Variants in SAMD5 observed in about 807,000 individuals in gnomAD.
The protein encoded by SAMD5 is sterile alpha motif domain containing 5, also known as sterile alpha motif domain-containing protein 5.
In SAMD5, 13 loss-of-function variants were observed where a neutral mutation model predicts 11.3. The observed-to-expected ratio is 1.15, with a 90% CI of 0.75 to 1.83. SAMD5 has a LOEUF of 1.83. SAMD5 is among the 40% of genes most tolerant of loss of function. SAMD5 has a pLI of 0.00. For synonymous variants in SAMD5, 129 were observed against 111.3 expected (o/e 1.16, Z -1.00); for missense variants, 255 against 239.1 (o/e 1.07, Z -0.44).
At chr6:147,754,208 A>G in the SAMD5 span, among the ~76,000 whole-genome samples, 1 of 152,058 alleles carries the variant, frequency 6.6e-6, no homozygotes, top group East Asian at 1.9e-4. Flanking sequence ...CCTCACCAGC[A>G]TTTATTATTG....
At chr6:147,563,222 G>A (rs577479384) in intron 1 of SAMD5, among the ~76,000 whole-genome samples, 12 of 152,184 alleles carry the variant, frequency 7.9e-5, no homozygotes, top group Non-Finnish European at 1.6e-4. Flanking sequence ...ACATATTGCC[G>A]TCAGCAGGTG....
In SAMD5 at chr6:147,508,986, G is replaced by A; in HGVS notation, c.58G>A (p.Glu20Lys). ...LKALQLPQYA[E>K]SFVDNGYDDL... is the part of the protein sequence containing the mutation. Reference sequence around the variant, plus strand: ...AGCGCTGCAGCTTCCGCAGTACGCGGAGTCCTTCGTGGATAACGGCTACGA... The same window carrying A: ...AGCGCTGCAGCTTCCGCAGTACGCGAAGTCCTTCGTGGATAACGGCTACGA... The change falls in exon 1 of 2, where the codon GAG becomes AAG. Residue 20 changes from glutamate (E) to lysine (K), a missense_variant. Coordinates refer to ENST00000367474, the MANE Select transcript of SAMD5 (RefSeq NM_001030060.3). The A allele has an allele frequency of 1.2e-6, 2 of 1,601,932 alleles. No individual in the cohort carries two copies. Among genetic ancestry groups the A allele is most frequent in the Non-Finnish European group, 1.7e-6 (2 of 1,174,782 alleles).
the SAMD5 span, among the ~76,000 whole-genome samples, chr6:147,778,167 G>C: frequency 6.6e-6 from 1 of 152,094 alleles, no homozygotes; most frequent in Non-Finnish European, 1.5e-5. Flanking sequence ...GAGGGTGTGG[G>C]GTTCTCGTCG....
chr6:147,866,067 T>G, the SAMD5 span, among the ~76,000 whole-genome samples: 1 of 152,196 alleles, frequency 6.6e-6, no homozygotes, highest in African/African-American at 2.4e-5. Context: ...CAATTATTTT[T>G]AACATTAATT....
chr6:147,688,867 C>A (rs1791058596), intron 1 of SAMD5, among the ~76,000 whole-genome samples: 1 of 152,200 alleles, frequency 6.6e-6, no homozygotes, highest in African/African-American at 2.4e-5. Flanking sequence ...CACCAAAGGT[C>A]AAAATCCTGG....
At chr6:147,891,887 G>A in the SAMD5 span, among the ~76,000 whole-genome samples, 5 of 152,122 alleles carry the variant, frequency 3.3e-5, no homozygotes, top group South Asian at 2.1e-4. Context: ...CTGAGTTTCC[G>A]TAAGGTCCTG....
At chr6:147,839,670 A>C in the SAMD5 span, among the ~76,000 whole-genome samples, 1 of 152,200 alleles carries the variant, frequency 6.6e-6, no homozygotes, top group Admixed American at 6.5e-5. Flanking sequence ...GAAACACTTG[A>C]ACCAGGGAGG....
intron 1 of SAMD5, among the ~76,000 whole-genome samples, chr6:147,675,237 A>G (rs1306933829): frequency 6.6e-6 from 1 of 152,208 alleles, no homozygotes; most frequent in African/African-American, 2.4e-5. Context: ...TGGATAGCCT[A>G]TCATTCTAAT....
the SAMD5 span, among the ~76,000 whole-genome samples, chr6:147,748,996 G>A: frequency 2.6e-5 from 4 of 152,146 alleles, no homozygotes; most frequent in Non-Finnish European, 5.9e-5. Flanking sequence ...TAAAGGCTAA[G>A]GGCCTTCTCT....
the SAMD5 span, among the ~76,000 whole-genome samples, chr6:147,889,012 T>A: frequency 6.6e-6 from 1 of 152,236 alleles, no homozygotes; most frequent in African/African-American, 2.4e-5. Flanking sequence ...GGACCTGTAG[T>A]CTACAACTAC....
the SAMD5 span, among the ~76,000 whole-genome samples, chr6:147,870,478 GTGTGTATA>G: frequency 3.7e-5 from 5 of 136,188 alleles, no homozygotes; most frequent in African/African-American, 1.5e-4. Flanking sequence ...GTGTGTGTGT[GTGTGTATA>G]TATATATGTA....
chr6:147,772,818 T>G, the SAMD5 span, among the ~76,000 whole-genome samples: 544 of 152,298 alleles, frequency 3.6e-3, 4 homozygotes, highest in African/African-American at 0.012. Flanking sequence ...CCTTCTGAGG[T>G]ACCTGGGGAT....
At chr6:147,712,956 C>T (rs1440157913) in intron 1 of SAMD5, among the ~76,000 whole-genome samples, 1 of 152,094 alleles carries the variant, frequency 6.6e-6, no homozygotes, top group Non-Finnish European at 1.5e-5. Flanking sequence ...AACTATTATT[C>T]AAACCATCGG....
the SAMD5 span, among the ~76,000 whole-genome samples, chr6:147,931,320 C>T: frequency 6.6e-6 from 1 of 152,118 alleles, no homozygotes; most frequent in African/African-American, 2.4e-5. Flanking sequence ...TCTTATTTCT[C>T]AAATAAAATA....
At chr6:147,673,705 T>C (rs1405684155) in intron 1 of SAMD5, among the ~76,000 whole-genome samples, 2 of 152,066 alleles carry the variant, frequency 1.3e-5, no homozygotes, top group African/African-American at 4.8e-5. Context: ...ATGAAAAATA[T>C]AATTAAAAGA....
the SAMD5 span, among the ~76,000 whole-genome samples, chr6:147,750,214 CTAAG>C: frequency 1.1e-4 from 17 of 152,276 alleles, no homozygotes; most frequent in East Asian, 3.1e-3. Context: ...TCGCTTGACT[CTAAG>C]TGTCAACATG....
In SAMD5 at chr6:147,671,889, A is replaced by ATTT. The variant is rs56865442; in HGVS notation, c.163-65407_163-65405dup. Reference sequence around the variant, plus strand: ...TTTCTTCTCATTTTTCTTTTTCAGGATTTTTTTTTTTTTTTTTTTTTTTAG... The same window carrying ATTT: ...TTTCTTCTCATTTTTCTTTTTCAGGATTTTTTTTTTTTTTTTTTTTTTTTTTAG... On this transcript the variant is annotated intron_variant, in intron 1 of 1. Transcript: ENST00000566741. 9.7e-3 allele frequency among the ~76,000 whole-genome samples: 949 copies of ATTT among 98,040 alleles called. 20 individuals are homozygous for ATTT. The highest frequency in any genetic ancestry group is 0.012 in the Non-Finnish European group (615 of 49,844). The allele number at this position is 98,040 out of a possible 152,430, so 64.3% of individuals were successfully genotyped here.
At chr6:147,856,461 C>G in the SAMD5 span, among the ~76,000 whole-genome samples, 2 of 152,086 alleles carry the variant, frequency 1.3e-5, no homozygotes, top group South Asian at 4.1e-4. Flanking sequence ...TTTAAAAAGT[C>G]AAGAAGTTAC....
chr6:147,800,907 A>G, the SAMD5 span, among the ~76,000 whole-genome samples: 3 of 152,182 alleles, frequency 2.0e-5, no homozygotes, highest in Non-Finnish European at 4.4e-5. Flanking sequence ...TTATTGAAAT[A>G]AAGTAAATAA....
Sources: gnomAD v4.1 joint callset for allele counts (sites outside exome capture counted in the v4.1 genomes callset) on GRCh38, gnomAD v4.1.1 for gene constraint, MANE v1.5 for transcripts, NCBI Gene and HGNC (gene_info 2026-07-23, HGNC 2026-07-21) for gene names.